Variants in CFAP53 observed in about 807,000 individuals in gnomAD.
CFAP53 encodes cilia and flagella associated protein 53.
In CFAP53, 62 loss-of-function variants were observed where a neutral mutation model predicts 59.7. That is an observed-to-expected ratio of 1.04 (90% CI 0.85 to 1.28). The LOEUF is 1.28. CFAP53 is among the 50% of genes most tolerant of loss of function. The pLI, the probability that CFAP53 is intolerant of heterozygous loss-of-function variation, is 0.00. For synonymous variants in CFAP53, 218 were observed against 205.7 expected (o/e 1.06, Z -0.51); for missense variants, 629 against 615.6 (o/e 1.02, Z -0.23).
intron 5 of CFAP53, among the ~76,000 whole-genome samples, chr18:50,248,675 C>T (rs2144419527): frequency 6.6e-6 from 1 of 151,396 alleles, no homozygotes; most frequent in African/African-American, 2.4e-5. Context: ...ATCCTAGCTA[C>T]TCAGGGGGCT....
In CFAP53 at chr18:50,227,444, A is replaced by C. The variant is rs1362749613; in HGVS notation, c.1482T>G (p.His494Gln). ...GATGAATGTTTTGAGGCAGCACTTG[A>C]TGGGTGGACAGGACCTCCTGGACCT... ...LDKVQEVLST[H>Q]QVLPQNIHPM... Residue 494 changes from histidine (H) to glutamine (Q), a missense_variant, in exon 8 of 8, where the codon CAT becomes CAG. By Grantham distance (24) the His-to-Gln change is conservative. Coordinates refer to ENST00000398545, the MANE Select transcript of CFAP53 (RefSeq NM_145020.5). 1 of 1,614,190 alleles carries C rather than the reference A, an allele frequency of 6.2e-7. No individual in the cohort carries two copies. The highest frequency in any genetic ancestry group is 8.5e-7 in the Non-Finnish European group (1 of 1,180,042).
At chr18:50,242,425 A>T (rs187680721) in intron 6 of CFAP53, among the ~76,000 whole-genome samples, 30 of 152,378 alleles carry the variant, frequency 2.0e-4, no homozygotes, top group Admixed American at 1.6e-3. Context: ...AAAAACAGGC[A>T]TAAGAAATTA....
intron 7 of CFAP53, among the ~76,000 whole-genome samples, chr18:50,238,093 T>C (rs533785737): frequency 2.6e-5 from 4 of 152,370 alleles, no homozygotes; most frequent in African/African-American, 2.4e-5. Flanking sequence ...ATAATATACA[T>C]AATGGCAATG....
chr18:50,227,754 C>T (rs1456973215), intron 7 of CFAP53, 145 bp from the exon 8 acceptor site: 6 of 633,430 alleles, frequency 9.5e-6, no homozygotes, highest in Middle Eastern at 7.8e-4. Flanking sequence ...AGATGAAAAA[C>T]TCAATAATGG....
intron 7 of CFAP53, among the ~76,000 whole-genome samples, chr18:50,228,903 C>A (rs1264049345): frequency 6.6e-6 from 1 of 152,002 alleles, no homozygotes; most frequent in African/African-American, 2.4e-5. Flanking sequence ...AGTTTGAGAC[C>A]AGCCTGGGCA....
rs542444372 is a variant in CFAP53 at position 50,230,088 on chromosome 18, G to A, written c.1317-2479C>T. On this transcript the variant is annotated intron_variant, in intron 7 of 7. Transcript: ENST00000398545. ...GTAGTTTCAATGGCTAGAAATATAA[G>A]CCACATTTTTAATATCAGCTGTGGT... is the stretch of plus-strand genomic sequence containing the variant. Among the ~76,000 whole-genome samples the A allele has an allele frequency of 3.0e-4, 46 of 152,244 alleles. 1 individual carries two copies. The South Asian group carries it at 9.1e-3, about 30-fold the overall frequency.
chr18:50,254,613 G>A (rs532560253), intron 3 of CFAP53, among the ~76,000 whole-genome samples: 4 of 152,342 alleles, frequency 2.6e-5, no homozygotes, highest in African/African-American at 7.2e-5. Context: ...TTATGGCTGG[G>A]AGTGGTGGCT....
At position 50,262,105 on chromosome 18, in the gene CFAP53, A is replaced by G. The variant is rs1476730072; in HGVS notation, c.184T>C (p.Leu62=). The G allele has an allele frequency of 6.2e-7, 1 of 1,614,190 alleles. No homozygotes were observed. The highest frequency in any genetic ancestry group is 8.5e-7 in the Non-Finnish European group (1 of 1,180,030). The change falls in exon 2 of 8, where the codon TTG becomes CTG. Residue 62 remains leucine (L), a synonymous_variant. Transcript: ENST00000398545. ...TTGTGCTGGTCCCACTCAGCTTTCA[A>G]GCGATCCCGCTCACTTGACTTAATG... ...ASIKSSERDR[L]KAEWDQHNDC... is the part of the protein sequence containing the mutation.
chr18:50,256,828 G>A (rs73434029), intron 3 of CFAP53, among the ~76,000 whole-genome samples: 1,678 of 151,444 alleles, frequency 0.011, 25 homozygotes, highest in African/African-American at 0.039. Flanking sequence ...CAAATTTTGA[G>A]TGCTATGAAA....
chr18:50,262,052 C>T lies in CFAP53; in HGVS notation c.237G>A (p.Val79=). ...GCACAGCATCCTTGATTCTTGCTCG[C>T]ACAAGGCTGTCCAAAATCTTGCAGT... ...HNDCKILDSL[V]RARIKDAVQG... is the part of the protein sequence containing the mutation. The change falls in exon 2 of 8, where the codon GTG becomes GTA. Residue 79 remains valine (V), a synonymous_variant. Coordinates refer to ENST00000398545, the MANE Select transcript of CFAP53 (RefSeq NM_145020.5). The T allele has an allele frequency of 6.2e-7, 1 of 1,614,174 alleles. No homozygotes were observed. Among genetic ancestry groups the T allele is most frequent in the Non-Finnish European group, 8.5e-7 (1 of 1,180,034 alleles).
chr18:50,264,367 C>T lies in CFAP53; in HGVS notation c.69+1969G>A, dbSNP rs1036520348. Among the ~76,000 whole-genome samples the T allele has an allele frequency of 2.0e-5, 3 of 152,162 alleles. No individual in the cohort carries two copies. In the South Asian group the frequency reaches 6.2e-4, roughly 31 times the overall value. ...TGTCTTAAAGAACAATGCTTTACAT[C>T]CTAGGTTTGATTCTGGCCTCTGTCC... On this transcript the variant is annotated intron_variant, in intron 1 of 7. Transcript: ENST00000398545.
chr18:50,251,069 T>C, intron 4 of CFAP53, 93 bp from the exon 5 acceptor site: 2 of 1,026,996 alleles, frequency 1.9e-6, no homozygotes, highest in Non-Finnish European at 3.0e-6. Flanking sequence ...AAAGGATTTC[T>C]GGAAATACAC....
intron 5 of CFAP53, among the ~76,000 whole-genome samples, chr18:50,249,688 A>G (rs1330097343): frequency 6.6e-6 from 1 of 152,206 alleles, no homozygotes; most frequent in East Asian, 1.9e-4. Context: ...TATAGAAATG[A>G]AGAACAGGGT....
chr18:50,230,435 G>A (rs1321531210), intron 7 of CFAP53, among the ~76,000 whole-genome samples: 1 of 152,218 alleles, frequency 6.6e-6, no homozygotes, highest in East Asian at 1.9e-4. Context: ...ACAGGGAGGT[G>A]CTGAAAGGAT....
intron 7 of CFAP53, among the ~76,000 whole-genome samples, chr18:50,236,613 G>A (rs138389132): frequency 1.6e-3 from 244 of 152,254 alleles, no homozygotes; most frequent in Non-Finnish European, 2.8e-3. Context: ...ATCACATGGA[G>A]AGCCCACACA....
chr18:50,234,514 T>C (rs570729818), intron 7 of CFAP53, among the ~76,000 whole-genome samples: 1 of 152,280 alleles, frequency 6.6e-6, no homozygotes, highest in African/African-American at 2.4e-5. Context: ...TTATGCAAAT[T>C]ATACTGGAAT....
At chr18:50,260,193 A>G (rs925140575) in intron 3 of CFAP53, among the ~76,000 whole-genome samples, 4 of 152,192 alleles carry the variant, frequency 2.6e-5, no homozygotes, top group Admixed American at 6.5e-5. Context: ...GAAAACCACA[A>G]TGAAAAGGGA....
At position 50,261,251 on chromosome 18, in the gene CFAP53, CCAAAA is replaced by C; in HGVS notation, c.300-19_300-15del. On this transcript the variant is annotated splice_polypyrimidine_tract_variant and intron_variant, in intron 2 of 7. Coordinates refer to ENST00000398545, the MANE Select transcript of CFAP53 (RefSeq NM_145020.5). ...AGCTCACGTAGCCTGAAACAAAAAGCCAAAAAAAAAAAAAAAAAAAGAAAACTGTC... is the reference window on the plus strand; with the variant it reads ...AGCTCACGTAGCCTGAAACAAAAAGCAAAAAAAAAAAAAAAGAAAACTGTC... 5 of 1,110,756 alleles carry C rather than the reference CCAAAA, an allele frequency of 4.5e-6. No homozygotes were observed. The highest frequency in any genetic ancestry group is 3.4e-5 in the South Asian group (1 of 29,250). The allele number at this position is 1,110,756 out of a possible 1,614,324, so 68.8% of individuals were successfully genotyped here. A position where few individuals can be genotyped will look rare whatever the true frequency, so the allele number is the denominator to read the frequency against.
chr18:50,239,056 T>G (rs973661370), intron 6 of CFAP53, among the ~76,000 whole-genome samples: 3 of 148,282 alleles, frequency 2.0e-5, no homozygotes, highest in Admixed American at 6.8e-5. Context: ...ATTTATTATT[T>G]ATTATATATT....
Sources: allele counts gnomAD v4.1 joint callset (sites outside exome capture counted in the v4.1 genomes callset), GRCh38; gene constraint gnomAD v4.1.1; transcripts MANE v1.5; gene names NCBI Gene and HGNC (gene_info 2026-07-23, HGNC 2026-07-21).